Variants in NEK10 observed in about 807,000 individuals in gnomAD.
NEK10 encodes NIMA related kinase 10.
Under a neutral mutation model 159.8 loss-of-function variants are expected in NEK10, and 122 were observed. That is an observed-to-expected ratio of 0.76 (90% CI 0.66 to 0.89). The LOEUF (loss-of-function observed/expected upper bound fraction) is 0.89, where lower values mean the gene tolerates loss of function less well. NEK10 is among the 40% of genes least tolerant of loss of function. The pLI, the probability that NEK10 is intolerant of heterozygous loss-of-function variation, is 0.00. For synonymous variants in NEK10, 466 were observed against 457.1 expected, an observed-to-expected ratio of 1.02 and a Z score of -0.25; for missense variants, 1,342 against 1,323.1, an observed-to-expected ratio of 1.01 and a Z score of -0.22.
intron 26 of NEK10, among the ~76,000 whole-genome samples, chr3:27,178,766 T>C (rs78140845): frequency 0.043 from 6,475 of 152,226 alleles, 301 homozygotes; most frequent in East Asian, 0.22. Flanking sequence ...CATAGCTGAG[T>C]GAACTGCTCA....
chr3:27,354,420 T>TCC (rs2048186063), intron 1 of NEK10, among the ~76,000 whole-genome samples: 1 of 152,186 alleles, frequency 6.6e-6, no homozygotes, highest in African/African-American at 2.4e-5. Flanking sequence ...AAATGACTCT[T>TCC]TGGAAATGTT....
chr3:27,270,765 T>G (rs1251126564), intron 22 of NEK10, among the ~76,000 whole-genome samples: 1 of 152,080 alleles, frequency 6.6e-6, no homozygotes, highest in African/African-American at 2.4e-5. Context: ...CTTACAAGGT[T>G]AAAACTCTAC....
At chr3:27,278,405 T>C (rs1349460420) in intron 22 of NEK10, among the ~76,000 whole-genome samples, 1 of 152,232 alleles carries the variant, frequency 6.6e-6, no homozygotes, top group Non-Finnish European at 1.5e-5. Context: ...CATAGGACTG[T>C]GAGCTCAGGG....
At chr3:27,213,549 G>A (rs1190611158) in intron 23 of NEK10, among the ~76,000 whole-genome samples, 1 of 152,106 alleles carries the variant, frequency 6.6e-6, no homozygotes, top group Non-Finnish European at 1.5e-5. Context: ...CCCCTCGACC[G>A]AATCCATGGA....
chr3:27,189,941 T>C (rs748312682), intron 26 of NEK10, among the ~76,000 whole-genome samples: 2 of 152,140 alleles, frequency 1.3e-5, no homozygotes, highest in South Asian at 2.1e-4. Flanking sequence ...CAGGTGCTAA[T>C]ATATATGCAT....
At chr3:27,312,623 T>C (rs1254306735) in intron 7 of NEK10, among the ~76,000 whole-genome samples, 1 of 152,200 alleles carries the variant, frequency 6.6e-6, no homozygotes, top group Non-Finnish European at 1.5e-5. Context: ...CCAGCATACA[T>C]GCAGTTAGCA....
At chr3:27,148,214 T>G (rs1333915799) in intron 30 of NEK10, among the ~76,000 whole-genome samples, 1 of 152,124 alleles carries the variant, frequency 6.6e-6, no homozygotes, top group Non-Finnish European at 1.5e-5. Flanking sequence ...TAGCAACCAT[T>G]ATAGAATGGT....
At chr3:27,339,819 C>T (rs1319631871) in intron 5 of NEK10, among the ~76,000 whole-genome samples, 2 of 150,578 alleles carry the variant, frequency 1.3e-5, no homozygotes, top group Non-Finnish European at 2.9e-5. Flanking sequence ...TAGCATCTCA[C>T]GCCAGTTAGA....
intron 1 of NEK10, among the ~76,000 whole-genome samples, chr3:27,363,399 T>C (rs754561253): frequency 5.3e-5 from 8 of 152,216 alleles, no homozygotes; most frequent in Non-Finnish European, 1.0e-4. Flanking sequence ...ATCTAGCACA[T>C]ACTTTGTAGT....
intron 9 of NEK10, chr3:27,310,167 T>A (rs138482567): frequency 6.6e-6 from 1 of 152,204 alleles, no homozygotes; most frequent in Admixed American, 6.5e-5. Context: ...TTCCTCTTTT[T>A]CTTCTCTCTT....
chr3:27,327,401 T>G (rs1009769263), intron 5 of NEK10, among the ~76,000 whole-genome samples: 1 of 152,166 alleles, frequency 6.6e-6, no homozygotes, highest in African/African-American at 2.4e-5. Flanking sequence ...TATGCCACTG[T>G]TTTCACAGGA....
At chr3:27,182,006 T>G (rs62255213) in intron 26 of NEK10, among the ~76,000 whole-genome samples, 3,003 of 152,142 alleles carry the variant, frequency 0.02, 57 homozygotes, top group Non-Finnish European at 0.03. Flanking sequence ...CAAATCAAAT[T>G]TGACAAAGAA....
intron 23 of NEK10, among the ~76,000 whole-genome samples, chr3:27,222,078 A>T (rs187959955): frequency 6.6e-6 from 1 of 152,320 alleles, no homozygotes. Context: ...TATTTCTTCA[A>T]AAAACTTTTC....
intron 22 of NEK10, among the ~76,000 whole-genome samples, chr3:27,273,158 C>T (rs1229021504): frequency 6.6e-6 from 1 of 152,070 alleles, no homozygotes; most frequent in Admixed American, 6.6e-5. Context: ...TGAGGAACTG[C>T]GTGGCCAAAT....
At chr3:27,302,109 G>A (rs931326601) in intron 12 of NEK10, among the ~76,000 whole-genome samples, 1 of 152,104 alleles carries the variant, frequency 6.6e-6, no homozygotes, top group Non-Finnish European at 1.5e-5. Context: ...TTTTCCTGGA[G>A]TTGATTCACC....
intron 12 of NEK10, among the ~76,000 whole-genome samples, chr3:27,303,350 T>G (rs1230534311): frequency 6.6e-6 from 1 of 152,172 alleles, no homozygotes; most frequent in East Asian, 1.9e-4. Flanking sequence ...TTACAGAATT[T>G]CATTTTATCC....
intron 22 of NEK10, among the ~76,000 whole-genome samples, chr3:27,261,419 T>G (rs1412799477): frequency 1.3e-5 from 2 of 152,236 alleles, no homozygotes; most frequent in Non-Finnish European, 1.5e-5. Flanking sequence ...TCTGGTATGT[T>G]GTGTCTTTGT....
intron 6 of NEK10, among the ~76,000 whole-genome samples, chr3:27,319,714 T>C (rs1429183253): frequency 6.6e-6 from 1 of 150,756 alleles, no homozygotes; most frequent in East Asian, 1.9e-4. Context: ...GGAAGAGGAA[T>C]ATTACTTCTG....
chr3:27,358,750 TC>T (rs1454449762), intron 1 of NEK10, among the ~76,000 whole-genome samples: 1 of 152,242 alleles, frequency 6.6e-6, no homozygotes, highest in African/African-American at 2.4e-5. Flanking sequence ...TCAGGTGGCC[TC>T]ATATTTACTA....
Sources: allele counts gnomAD v4.1 joint callset (sites outside exome capture counted in the v4.1 genomes callset), GRCh38; gene constraint gnomAD v4.1.1; transcripts MANE v1.5; gene names NCBI Gene and HGNC (gene_info 2026-07-23, HGNC 2026-07-21).